CDH20: variants seen among roughly 807,000 people sequenced by gnomAD.
The protein encoded by CDH20 is cadherin-20.
In CDH20, 29 loss-of-function variants were observed where a neutral mutation model predicts 74.2. The ratio of observed to expected loss-of-function variants is 0.39; its 90% confidence interval spans 0.29 to 0.53. The LOEUF is 0.53. Among genes scored for constraint, CDH20 ranks in the 20% least tolerant of loss-of-function variants. The probability of loss-of-function intolerance (pLI) is 0.69; values close to 1 mark genes in which losing one functional copy is unlikely to be tolerated. For missense variants in CDH20, 988 were observed against 1,048.3 expected, an observed-to-expected ratio of 0.94 and a Z score of 0.79; for synonymous variants, 469 against 405.4, an observed-to-expected ratio of 1.16 and a Z score of -1.88.
Position 61,502,979 on chromosome 18 carries a change from A to G in CDH20, c.688A>G (p.Met230Val). Residue 230 changes from methionine (M) to valine (V), a missense_variant, in exon 5 of 12, where the codon ATG (methionine) becomes GTG (valine). Physicochemically the swap from Met to Val is conservative, Grantham distance 21. Around this residue, in one of 2 missense-constraint regions of CDH20, gnomAD observed 613 missense variants for 755.2 expected, o/e 0.81. Transcript: ENST00000262717. ...TGTAATTAGGACAGCGCTCATGAAC[A>G]TGGACAGAGAAGCCAAAGAATACTA... ...TGVIRTALMN[M>V]DREAKEYYEV... The G allele has an allele frequency of 6.2e-7, 1 of 1,613,592 alleles. No homozygotes were observed. Among genetic ancestry groups the G allele is most frequent in the Non-Finnish European group, 8.5e-7 (1 of 1,179,806 alleles).
chr18:61,500,028 CG>C (rs1473911116), intron 3 of CDH20, among the ~76,000 whole-genome samples: 1 of 141,384 alleles, frequency 7.1e-6, no homozygotes, highest in Admixed American at 7.6e-5. Context: ...CACTTGAACC[CG>C]GGAGGTGGAG....
intron 9 of CDH20, 107 bp from the exon 10 acceptor site, chr18:61,544,920 C>T (rs1749180512): frequency 8.0e-6 from 6 of 749,892 alleles, no homozygotes; most frequent in Admixed American, 1.8e-5. Flanking sequence ...ATATCCTTCT[C>T]ATAAGGTAAA....
At chr18:61,352,772 A>G (rs1165937976) in intron 1 of CDH20, among the ~76,000 whole-genome samples, 1 of 152,192 alleles carries the variant, frequency 6.6e-6, no homozygotes, top group African/African-American at 2.4e-5. Context: ...TTCAAAATCT[A>G]GAAACTACTT....
At chr18:61,539,850 T>C (rs1912963698) in intron 9 of CDH20, among the ~76,000 whole-genome samples, 1 of 152,222 alleles carries the variant, frequency 6.6e-6, no homozygotes, top group South Asian at 2.1e-4. Context: ...TTCTTAGTGC[T>C]GCTCATGTCA....
chr18:61,490,264 T>G, intron 1 of CDH20, 138 bp from the exon 2 acceptor site: 1 of 322,352 alleles, frequency 3.1e-6, no homozygotes, highest in Non-Finnish European at 5.8e-6. Flanking sequence ...CTCAAACATT[T>G]CTAAAGCAAT....
intron 1 of CDH20, among the ~76,000 whole-genome samples, chr18:61,423,344 C>G (rs1568133448): frequency 6.6e-6 from 1 of 152,312 alleles, no homozygotes. Context: ...GGACCCTCTT[C>G]CTGCTTGAGC....
intron 5 of CDH20, among the ~76,000 whole-genome samples, chr18:61,504,531 A>G (rs1270189401): frequency 1.3e-5 from 2 of 152,186 alleles, no homozygotes; most frequent in African/African-American, 4.8e-5. Context: ...CAGGACAATC[A>G]GGTTGAATGT....
intron 1 of CDH20, chr18:61,405,113 G>A: frequency 1.5e-6 from 1 of 650,510 alleles, no homozygotes; most frequent in South Asian, 1.4e-5. Flanking sequence ...GAGTCTGCTT[G>A]TACCCCAGCA....
rs755140973 is a variant in CDH20 at position 61,490,684 on chromosome 18, A to C, written c.131A>C (p.Glu44Ala). ...SDTPTPQGEL[E>A]ALLSDKPQSH... ...ACCCCAACACCACAAGGTGAATTAG[A>C]AGCACTCCTGTCAGACAAGCCACAG... Residue 44 changes from glutamate to alanine, a missense_variant, in exon 2 of 12, where the codon GAA becomes GCA. Transcript: ENST00000262717. 4.3e-6 allele frequency: 7 copies of C among 1,613,992 alleles called. No homozygotes were observed. The Admixed American group carries it at 1.0e-4, about 23-fold the overall frequency.
chr18:61,538,308 C>T (rs1912879745), intron 8 of CDH20, among the ~76,000 whole-genome samples: 2 of 152,124 alleles, frequency 1.3e-5, no homozygotes, highest in South Asian at 2.1e-4. Context: ...CAGAACTGAC[C>T]TGCCTTTAAT....
At chr18:61,405,263 G>T in intron 1 of CDH20, 1 of 362,436 alleles carries the variant, frequency 2.8e-6, no homozygotes. Flanking sequence ...AGATGGCCCG[G>T]GAGCGAGAAA....
intron 1 of CDH20, among the ~76,000 whole-genome samples, chr18:61,385,766 C>A (rs1406841736): frequency 8.6e-5 from 13 of 151,854 alleles, no homozygotes. Context: ...CCCATCTCTA[C>A]TAAAAATACA....
intron 1 of CDH20, among the ~76,000 whole-genome samples, chr18:61,349,947 T>G (rs940982101): frequency 2.6e-5 from 4 of 152,226 alleles, no homozygotes; most frequent in Admixed American, 6.5e-5. Context: ...TATTAGCTAA[T>G]GTATTTGTTA....
At chr18:61,347,909 A>G (rs544850373) in intron 1 of CDH20, among the ~76,000 whole-genome samples, 1 of 152,262 alleles carries the variant, frequency 6.6e-6, no homozygotes, top group South Asian at 2.1e-4. Context: ...TTTTTGGCCA[A>G]ATATTATCAA....
intron 11 of CDH20, among the ~76,000 whole-genome samples, chr18:61,552,804 T>C (rs1271670978): frequency 6.6e-6 from 1 of 152,240 alleles, no homozygotes; most frequent in East Asian, 1.9e-4. Flanking sequence ...TTAATAACTT[T>C]ACTGAATCCT....
intron 1 of CDH20, among the ~76,000 whole-genome samples, chr18:61,422,773 A>G (rs931055933): frequency 2.8e-4 from 42 of 151,060 alleles, no homozygotes; most frequent in African/African-American, 8.7e-4. Flanking sequence ...ATATTTATAA[A>G]TATATACTTA....
At chr18:61,529,959 G>A (rs1157212165) in intron 7 of CDH20, among the ~76,000 whole-genome samples, 1 of 152,140 alleles carries the variant, frequency 6.6e-6, no homozygotes, top group Non-Finnish European at 1.5e-5. Flanking sequence ...GAATGCAAGA[G>A]TGAACAGGCC....
At chr18:61,469,519 C>A (rs1474992854) in intron 1 of CDH20, among the ~76,000 whole-genome samples, 2 of 152,194 alleles carry the variant, frequency 1.3e-5, no homozygotes, top group Non-Finnish European at 2.9e-5. Context: ...AGGGTAAGGC[C>A]TTGTCTCCTC....
chr18:61,396,053 T>TTGTGTG (rs6146344), intron 1 of CDH20, among the ~76,000 whole-genome samples: 3 of 142,748 alleles, frequency 2.1e-5, no homozygotes, highest in African/African-American at 7.5e-5. Context: ...GTGTGTGTGT[T>TTGTGTG]TGTGTGTGTG....
Sources: gnomAD v4.1 joint callset for allele counts (sites outside exome capture counted in the v4.1 genomes callset) on GRCh38, gnomAD v4.1.1 for gene constraint, gnomAD v4.1.1 regional missense constraint, MANE v1.5 for transcripts, NCBI Gene and HGNC (gene_info 2026-07-23, HGNC 2026-07-21) for gene names.